PTPRJ: variants seen among roughly 807,000 people sequenced by gnomAD.
The protein encoded by PTPRJ is protein tyrosine phosphatase receptor type J.
Under a neutral mutation model 141.3 loss-of-function variants are expected in PTPRJ, and 129 were observed. The observed-to-expected ratio is 0.91, with a 90% confidence interval of 0.79 to 1.06. The LOEUF (loss-of-function observed/expected upper bound fraction) is 1.06. Ranked by LOEUF, PTPRJ falls within the 50% of genes least tolerant of loss-of-function variation. PTPRJ has a pLI of 0.00. For missense variants in PTPRJ, 1,601 were observed against 1,679.7 expected (o/e 0.95, Z 0.82); for synonymous variants, 610 against 640.5 (o/e 0.95, Z 0.72).
intron 1 of PTPRJ, among the ~76,000 whole-genome samples, chr11:48,020,384 G>T (rs1855084546): frequency 6.6e-6 from 1 of 152,170 alleles, no homozygotes; most frequent in African/African-American, 2.4e-5. Flanking sequence ...GAGGGCGTTG[G>T]CATAGGAGGC....
At chr11:48,130,743 C>T in intron 8 of PTPRJ, 27 bp downstream of exon 8, 1 of 1,553,924 alleles carries the variant, frequency 6.4e-7, no homozygotes, top group Non-Finnish European at 8.8e-7. Flanking sequence ...TTCTGTTAAA[C>T]CATCATGTTT....
intron 4 of PTPRJ, among the ~76,000 whole-genome samples, chr11:48,122,604 C>T (rs1856731985): frequency 6.6e-6 from 1 of 152,176 alleles, no homozygotes; most frequent in Non-Finnish European, 1.5e-5. Context: ...GGGGCTGGAA[C>T]CCGGAGTCTA....
chr11:48,167,044 A>C (rs904391977), intron 24 of PTPRJ, among the ~76,000 whole-genome samples, 160 bp from the exon 25 acceptor site: 7 of 151,876 alleles, frequency 4.6e-5, no homozygotes, highest in African/African-American at 1.7e-4. Context: ...TTTCACTGCA[A>C]TGTTGTTACC....
intron 1 of PTPRJ, among the ~76,000 whole-genome samples, chr11:48,064,023 G>C (rs1347677517): frequency 6.6e-6 from 1 of 151,256 alleles, no homozygotes; most frequent in Non-Finnish European, 1.5e-5. Flanking sequence ...TTGATTTTCT[G>C]CTTCTTCAAA....
At chr11:48,166,757 A>T (rs1344301804) in intron 24 of PTPRJ, among the ~76,000 whole-genome samples, 1 of 152,112 alleles carries the variant, frequency 6.6e-6, no homozygotes, top group African/African-American at 2.4e-5. Flanking sequence ...TACCTGAAGG[A>T]TAGTCCTCAT....
At chr11:48,098,708 A>T (rs1221843207) in intron 1 of PTPRJ, among the ~76,000 whole-genome samples, 1 of 35,728 alleles carries the variant, frequency 2.8e-5, no homozygotes, top group African/African-American at 5.6e-5. Flanking sequence ...TTTAGTAGAG[A>T]CGGGGTTTCA....
At chr11:47,990,303 T>TGTATCA (rs1215470272) in intron 1 of PTPRJ, among the ~76,000 whole-genome samples, 1 of 152,038 alleles carries the variant, frequency 6.6e-6, no homozygotes, top group African/African-American at 2.4e-5. Flanking sequence ...CAAAAAAAGG[T>TGTATCA]GAATATAGAT....
intron 1 of PTPRJ, among the ~76,000 whole-genome samples, chr11:48,011,997 C>T (rs1326012804): frequency 3.3e-5 from 5 of 152,054 alleles, no homozygotes; most frequent in Admixed American, 1.3e-4. Flanking sequence ...AAGGAGAGAG[C>T]ACTGAAGGAA....
rs1387384190 is a variant in PTPRJ, at chr11:48,083,153, C to T, written c.97-26905C>T. Among the ~76,000 whole-genome samples the T allele has an allele frequency of 5.3e-5, 8 of 152,292 alleles. No homozygotes were observed. In the South Asian group the frequency reaches 6.2e-4, roughly 12 times the overall value. The stretch of plus-strand genomic sequence containing the variant: ...TAAGTTGTTTTTCTAAGGCTGGGTG[C>T]GGTGGCTCACGCCTGTAATCCCAGC... On this transcript the variant is annotated intron_variant, in intron 1 of 24. Coordinates refer to ENST00000418331, the MANE Select transcript of PTPRJ (RefSeq NM_002843.4).
chr11:48,167,148 G>A, intron 24 of PTPRJ, 56 bp from the exon 25 acceptor site: 1 of 1,513,190 alleles, frequency 6.6e-7, no homozygotes, highest in Non-Finnish European at 9.1e-7. Flanking sequence ...AATTTTGGGT[G>A]CTAATTTCTG....
Position 48,159,928 on chromosome 11 carries a change from A to G in PTPRJ, c.3439-2A>G. 6.2e-7 allele frequency: 1 copy of G among 1,613,900 alleles called. No homozygotes were observed. The highest frequency in any genetic ancestry group is 8.5e-7 in the Non-Finnish European group (1 of 1,179,836). ...TCTTATAAAAATGCAATTTTGTTCT[A>G]GACCAAATGTGAGGAGTATTGGCCC... On this transcript the variant is annotated splice_acceptor_variant, in intron 21 of 24. Coordinates refer to ENST00000418331, the MANE Select transcript of PTPRJ (RefSeq NM_002843.4). LOFTEE classifies it high-confidence loss of function.
At chr11:48,028,114 A>G (rs1307585418) in intron 1 of PTPRJ, among the ~76,000 whole-genome samples, 1 of 151,958 alleles carries the variant, frequency 6.6e-6, no homozygotes, top group African/African-American at 2.4e-5. Context: ...CTGAGCCATA[A>G]GTGGTCTCAC....
rs1856477809 is a variant in PTPRJ at position 48,112,940 on chromosome 11, T to C, written c.309T>C (p.Ser103=). The part of the protein sequence containing the change: ...NDSLRTPEQG[S]NGTDGASQKT... ...GTTTAAGAACACCTGAACAAGGATC[T>C]AATGGGACTGATGGGGCATCTCAAA... The change falls in exon 3 of 25, where the codon TCT becomes TCC. Residue 103 remains serine (S), a synonymous_variant. Transcript: ENST00000418331. 3.1e-6 allele frequency: 5 copies of C among 1,614,208 alleles called. No homozygotes were observed. Among genetic ancestry groups the C allele is most frequent in the Non-Finnish European group, 4.2e-6 (5 of 1,180,024 alleles).
intron 1 of PTPRJ, among the ~76,000 whole-genome samples, chr11:48,033,055 T>TA (rs563339996): frequency 0.052 from 7,401 of 143,314 alleles, 177 homozygotes; most frequent in African/African-American, 0.07. Context: ...CCGTCTCTAT[T>TA]AAAAAAAAAA....
intron 1 of PTPRJ, among the ~76,000 whole-genome samples, chr11:47,983,236 C>T (rs533660424): frequency 2.6e-5 from 4 of 151,972 alleles, no homozygotes; most frequent in African/African-American, 9.7e-5. Flanking sequence ...ATGATAGGGA[C>T]GTATCACTGT....
In PTPRJ at chr11:47,985,005, G is replaced by A. The variant is rs551353312; in HGVS notation, c.96+3997G>A. ...GTACCTGGGATTACAGGCACGTGCC[G>A]CCATGCCCAGTTAATTTTTGGATTT... is the stretch of plus-strand genomic sequence containing the variant. On this transcript the variant is annotated intron_variant, in intron 1 of 24. Coordinates refer to ENST00000418331, the MANE Select transcript of PTPRJ (RefSeq NM_002843.4). 3.6e-4 allele frequency among the ~76,000 whole-genome samples: 54 copies of A among 151,856 alleles called. 1 individual carries two copies. The highest frequency in any genetic ancestry group is 1.2e-3 in the African/African-American group (48 of 41,404).
At chr11:48,060,208 T>C (rs1378620092) in intron 1 of PTPRJ, among the ~76,000 whole-genome samples, 1 of 152,224 alleles carries the variant, frequency 6.6e-6, no homozygotes, top group Non-Finnish European at 1.5e-5. Context: ...TTGGGGGCTA[T>C]GGTTACTGAG....
intron 1 of PTPRJ, among the ~76,000 whole-genome samples, chr11:48,023,433 C>A (rs191294171): frequency 6.6e-6 from 1 of 152,264 alleles, no homozygotes; most frequent in Non-Finnish European, 1.5e-5. Context: ...CAGGATGAAT[C>A]TTTGGCTTTC....
In PTPRJ at chr11:48,072,080, A is replaced by G. The variant is rs565961214; in HGVS notation, c.97-37978A>G. 3.4e-5 allele frequency among the ~76,000 whole-genome samples: 5 copies of G among 149,166 alleles called. No homozygotes were observed. In the South Asian group the frequency reaches 8.5e-4, roughly 25 times the overall value. On this transcript the variant is annotated intron_variant, in intron 1 of 24. Coordinates refer to ENST00000418331, the MANE Select transcript of PTPRJ (RefSeq NM_002843.4). ...GCCATCATGCCTGGCTAATTTTTGT[A>G]TTTTTGTACAGACGGGGTTTCACCA...
Sources: gnomAD v4.1 joint callset for allele counts (sites outside exome capture counted in the v4.1 genomes callset) on GRCh38, gnomAD v4.1.1 for gene constraint, MANE v1.5 for transcripts, NCBI Gene and HGNC (gene_info 2026-07-23, HGNC 2026-07-21) for gene names.